The following BAZ1A variants were observed in gnomAD, a reference collection of about 807,000 sequenced individuals.
The protein encoded by BAZ1A is bromodomain adjacent to zinc finger domain 1A, also known as bromodomain adjacent to zinc finger domain protein 1A.
In BAZ1A, 50 loss-of-function variants were observed where a neutral mutation model predicts 185.2. That is an observed-to-expected ratio of 0.27 (90% CI 0.22 to 0.34). The LOEUF is 0.34. Ranked by LOEUF, BAZ1A falls within the 10% of genes least tolerant of loss-of-function variation. The probability of loss-of-function intolerance (pLI) is 1.00; values close to 1 mark genes in which losing one functional copy is unlikely to be tolerated. For synonymous variants in BAZ1A, 571 were observed against 615.6 expected, an observed-to-expected ratio of 0.93 and a Z score of 1.07; for missense variants, 1,356 against 1,839.9, an observed-to-expected ratio of 0.74 and a Z score of 4.81.
At chr14:34,833,259 T>C (rs1001638204) in intron 3 of BAZ1A, among the ~76,000 whole-genome samples, 3 of 151,674 alleles carry the variant, frequency 2.0e-5, no homozygotes, top group Non-Finnish European at 4.4e-5. Context: ...CTGGGTGTGG[T>C]GGCTCACGCC....
At chr14:34,838,948 G>A (rs1327277876) in intron 3 of BAZ1A, among the ~76,000 whole-genome samples, 1 of 152,046 alleles carries the variant, frequency 6.6e-6, no homozygotes, top group African/African-American at 2.4e-5. Flanking sequence ...CATTCCATGA[G>A]ACAAATAAAT....
intron 4 of BAZ1A, among the ~76,000 whole-genome samples, chr14:34,813,841 G>C (rs2041965645): frequency 6.6e-6 from 1 of 152,130 alleles, no homozygotes; most frequent in South Asian, 2.1e-4. Context: ...AGTTTAGTTT[G>C]CGACTAGCCT....
rs36108079 is a variant in BAZ1A at position 34,818,363 on chromosome 14, C to G, written c.537-7327G>C. On this transcript the variant is annotated intron_variant, in intron 4 of 26. Transcript: ENST00000360310. Reference sequence around the variant, plus strand: ...ACACAAAGTTATAGCTTAATGGATACAAAATTTCTATTTCAAAGTAAATAG... The same window carrying G: ...ACACAAAGTTATAGCTTAATGGATAGAAAATTTCTATTTCAAAGTAAATAG... Among the ~76,000 whole-genome samples the G allele has an allele frequency of 5.6e-3, 852 of 152,252 alleles. 12 individuals carry two copies. The highest frequency in any genetic ancestry group is 5.9e-3 in the Non-Finnish European group (398 of 68,010).
At chr14:34,807,990 A>G (rs1175959871) in intron 5 of BAZ1A, among the ~76,000 whole-genome samples, 2 of 152,028 alleles carry the variant, frequency 1.3e-5, no homozygotes, top group Non-Finnish European at 2.9e-5. Flanking sequence ...CTGTAGTCCC[A>G]GCTACTCGGG....
chr14:34,826,713 A>C (rs2042170171), intron 3 of BAZ1A, among the ~76,000 whole-genome samples: 1 of 152,240 alleles, frequency 6.6e-6, no homozygotes, highest in South Asian at 2.1e-4. Flanking sequence ...GTAGTCAGAG[A>C]ATATACTTTG....
intron 5 of BAZ1A, among the ~76,000 whole-genome samples, chr14:34,809,949 T>C (rs1458727485): frequency 8.5e-5 from 13 of 152,142 alleles, no homozygotes; most frequent in Admixed American, 8.5e-4. Flanking sequence ...AGAATATTAT[T>C]TTTGAATATA....
At chr14:34,802,775 G>A in intron 7 of BAZ1A, 79 bp downstream of exon 7, 1 of 1,439,962 alleles carries the variant, frequency 6.9e-7, no homozygotes, top group Non-Finnish European at 9.4e-7. Context: ...TGGATGTGAG[G>A]GGAGACAAAC....
intron 2 of BAZ1A, among the ~76,000 whole-genome samples, chr14:34,863,386 C>T (rs1439794913): frequency 6.6e-6 from 1 of 152,038 alleles, no homozygotes; most frequent in African/African-American, 2.4e-5. Flanking sequence ...TGGTCTCAAA[C>T]TCCTGACCTC....
At chr14:34,788,274 T>C (rs1027412642) in intron 12 of BAZ1A, among the ~76,000 whole-genome samples, 15 of 151,878 alleles carry the variant, frequency 9.9e-5, no homozygotes, top group African/African-American at 3.4e-4. Flanking sequence ...ATTGCTTGGA[T>C]TACAAGCGTG....
At chr14:34,860,512 A>G (rs2042750248) in intron 3 of BAZ1A, among the ~76,000 whole-genome samples, 2 of 142,332 alleles carry the variant, frequency 1.4e-5, no homozygotes, top group Admixed American at 7.2e-5. Flanking sequence ...CATCTATACC[A>G]AAAGTTAAAA....
Position 34,765,036 on chromosome 14 carries a change from A to G in BAZ1A, c.3534T>C (p.Val1178=). 6.2e-7 allele frequency: 1 copy of G among 1,614,230 alleles called. No individual in the cohort carries two copies. Among genetic ancestry groups the G allele is most frequent in the African/African-American group, 1.3e-5 (1 of 75,086 alleles). The change falls in exon 22 of 27, where the codon GTT becomes GTC. Residue 1178 remains valine (V), a synonymous_variant. Coordinates refer to ENST00000360310, the MANE Select transcript of BAZ1A (RefSeq NM_013448.3). ...AAAAAAATACCTTGAGCTTTGGTCG[A>G]ACACAGTAGGTATGATGACCCCTAT... ...GCDRGHHTYC[V]RPKLKTVPEG...
chr14:34,833,068 AC>A (rs1258768537), intron 3 of BAZ1A, among the ~76,000 whole-genome samples: 1 of 151,880 alleles, frequency 6.6e-6, no homozygotes, highest in African/African-American at 2.4e-5. Context: ...GAGACCCCCA[AC>A]TCTACAAAAC....
At chr14:34,798,519 G>C (rs1881330681) in intron 9 of BAZ1A, among the ~76,000 whole-genome samples, 1 of 152,212 alleles carries the variant, frequency 6.6e-6, no homozygotes, top group Non-Finnish European at 1.5e-5. Flanking sequence ...TGCAATATTT[G>C]CTGTTCTGCA....
chr14:34,794,291 A>T (rs147629045), intron 11 of BAZ1A, among the ~76,000 whole-genome samples: 2 of 152,240 alleles, frequency 1.3e-5, no homozygotes, highest in Non-Finnish European at 2.9e-5. Flanking sequence ...GTAAAAGTAT[A>T]TAAGTACACA....
At chr14:34,853,984 C>G (rs2042636748) in intron 3 of BAZ1A, among the ~76,000 whole-genome samples, 3 of 152,300 alleles carry the variant, frequency 2.0e-5, no homozygotes, top group Admixed American at 6.5e-5. Context: ...AAAAGTTATA[C>G]AGGTAGTAAG....
intron 16 of BAZ1A, among the ~76,000 whole-genome samples, chr14:34,780,959 G>T (rs1879994917): frequency 6.6e-6 from 1 of 152,174 alleles, no homozygotes. Context: ...TGGCTAGGAA[G>T]TGATGGTGGC....
intron 23 of BAZ1A, among the ~76,000 whole-genome samples, chr14:34,763,256 G>A (rs1878541557): frequency 1.3e-5 from 2 of 152,084 alleles, no homozygotes; most frequent in Admixed American, 1.3e-4. Context: ...ACAAGCTACA[G>A]GGAAGATGGC....
rs756983972 is a variant in BAZ1A, at chr14:34,786,264, T to A, written c.1511-43A>T. 24 of 1,539,692 alleles carry A rather than the reference T, an allele frequency of 1.6e-5. No homozygotes were observed. In the East Asian group the frequency reaches 5.4e-4, roughly 35 times the overall value. The stretch of plus-strand genomic sequence containing the variant: ...CTTTATTCTAGTGCAAATCAAAGCT[T>A]GAATATTTGGGAATAATGCCCGTTT... On this transcript the variant is annotated intron_variant, in intron 12 of 26. Transcript: ENST00000360310.
intron 7 of BAZ1A, among the ~76,000 whole-genome samples, 156 bp downstream of exon 7, chr14:34,802,698 A>G (rs770856436): frequency 1.1e-4 from 17 of 152,248 alleles, no homozygotes; most frequent in Non-Finnish European, 1.6e-4. Context: ...ATTGCTGAGC[A>G]GTTATCAACA....
Sources: gnomAD v4.1 joint callset for allele counts (sites outside exome capture counted in the v4.1 genomes callset) on GRCh38, gnomAD v4.1.1 for gene constraint, MANE v1.5 for transcripts, NCBI Gene and HGNC (gene_info 2026-07-23, HGNC 2026-07-21) for gene names.